Variants in WBP2NL observed in about 807,000 individuals in gnomAD.
WBP2NL encodes the protein postacrosomal sheath WW domain-binding protein.
A neutral mutation model predicts 23.3 loss-of-function variants in WBP2NL; 27 were observed. The ratio of observed to expected loss-of-function variants is 1.16; its 90% CI spans 0.85 to 1.60. WBP2NL has a LOEUF of 1.60. WBP2NL is among the 40% of genes most tolerant of loss of function. The pLI is 0.00. For synonymous variants in WBP2NL, 151 were observed against 145.9 expected (o/e 1.03, Z -0.25); for missense variants, 370 against 389.5 (o/e 0.95, Z 0.42).
intron 1 of WBP2NL, chr22:42,003,178 C>A (rs1436982684): frequency 6.9e-6 from 1 of 144,006 alleles, no homozygotes; most frequent in East Asian, 2.1e-4. Context: ...AAAAAAGTGC[C>A]AGCTTATGAG....
intron 1 of WBP2NL, among the ~76,000 whole-genome samples, chr22:42,000,449 AT>A (rs1211826994): frequency 1.3e-5 from 2 of 152,000 alleles, no homozygotes; most frequent in Non-Finnish European, 2.9e-5. Flanking sequence ...TTCTTAAGAT[AT>A]TTTTATTTCT....
At chr22:42,004,037 C>A (rs947405732) in intron 1 of WBP2NL, among the ~76,000 whole-genome samples, 1 of 152,040 alleles carries the variant, frequency 6.6e-6, no homozygotes, top group Non-Finnish European at 1.5e-5. Context: ...TTTGGGAGGC[C>A]GAGGCAGGTG....
At chr22:42,033,392 T>G (rs755008572), downstream of WBP2NL, among the ~76,000 whole-genome samples, 1 of 152,168 alleles carries the variant, frequency 6.6e-6, no homozygotes, top group Non-Finnish European at 1.5e-5. Flanking sequence ...CTGCAGCTCT[T>G]CTTTTCTTCT....
At chr22:42,057,722 C>T (rs1031104708) in intron 8 of WBP2NL, among the ~76,000 whole-genome samples, 2 of 149,994 alleles carry the variant, frequency 1.3e-5, no homozygotes, top group Non-Finnish European at 3.0e-5. Flanking sequence ...TTGATTTAGA[C>T]AAACTATAGA....
intron 5 of WBP2NL, among the ~76,000 whole-genome samples, chr22:42,026,279 TAATA>T (rs1470729245): frequency 3.1e-5 from 1 of 32,114 alleles, no homozygotes; most frequent in African/African-American, 1.6e-4. Context: ...CTCAAAATAA[TAATA>T]ATAATAATAA....
chr22:42,007,948 C>G (rs1922406901), intron 1 of WBP2NL, among the ~76,000 whole-genome samples: 1 of 152,074 alleles, frequency 6.6e-6, no homozygotes, highest in African/African-American at 2.4e-5. Flanking sequence ...TACGGTAGTT[C>G]TATTTTTAAT....
At chr22:42,004,111 GAA>G (rs1381582912) in intron 1 of WBP2NL, among the ~76,000 whole-genome samples, 1 of 151,844 alleles carries the variant, frequency 6.6e-6, no homozygotes, top group African/African-American at 2.4e-5. Flanking sequence ...TCTCTACTAA[GAA>G]TATGTAAAAT....
chr22:42,048,257 T>TAA (rs1453801422), intron 8 of WBP2NL, among the ~76,000 whole-genome samples: 1 of 143,054 alleles, frequency 7.0e-6, no homozygotes, highest in East Asian at 2.0e-4. Context: ...CTGTGTCTAT[T>TAA]AAAAGTACAA....
Position 42,019,747 on chromosome 22 carries a change from A to T in WBP2NL, c.257A>T (p.Glu86Val). The change falls in exon 3 of 6, where the codon GAA (glutamate) becomes GTA (valine). Residue 86 changes from glutamate (E) to valine (V), a missense_variant. Transcript: ENST00000328823. ...PFDLMTNLTVEQPVFAANFIK... is the reference protein window; with the variant it reads ...PFDLMTNLTVVQPVFAANFIK... ...GATCTGATGACGAACCTCACTGTTG[A>T]ACAACCAGTATTTGCTGCAAACTTC... The T allele has an allele frequency of 1.2e-6, 2 of 1,614,222 alleles. No homozygotes were observed. The highest frequency in any genetic ancestry group is 1.7e-6 in the Non-Finnish European group (2 of 1,180,040).
At chr22:42,019,616 T>C (rs1923694240) in intron 2 of WBP2NL, 46 bp from the exon 3 acceptor site, 1 of 1,610,696 alleles carries the variant, frequency 6.2e-7, no homozygotes, top group Non-Finnish European at 8.5e-7. Flanking sequence ...TCTCAATCCA[T>C]GGACAAATTC....
rs200812301 is a variant in WBP2NL at position 42,022,200 on chromosome 22, A to G, written c.407-49A>G. On this transcript the variant is annotated intron_variant, in intron 4 of 5. Transcript: ENST00000328823. ...ATTGTTTAGTTGATATCTGCTATAT[A>G]TCTGACTTAATTAAAAGAGTTCCTA... The G allele has an allele frequency of 3.5e-6, 5 of 1,439,392 alleles. No homozygotes were observed. In the East Asian group the frequency reaches 1.1e-4, roughly 33 times the overall value. The allele number at this position is 1,439,392 out of a possible 1,614,324, so 89.2% of individuals were successfully genotyped here.
chr22:42,027,147 T>G lies in WBP2NL; in HGVS notation c.896T>G (p.Leu299Arg). The G allele has an allele frequency of 1.9e-6, 3 of 1,613,870 alleles. No homozygotes were observed. The highest frequency in any genetic ancestry group is 2.5e-6 in the Non-Finnish European group (3 of 1,179,898). Residue 299 changes from leucine to arginine, a missense_variant, in exon 6 of 6, where the codon CTT (leucine) becomes CGT (arginine). Transcript: ENST00000328823. ...AAQAPENEAS[L>R]PSASSSQVHS ...CAGGCTCCTGAAAACGAGGCTTCTC[T>G]TCCCTCTGCCTCCTCTTCTCAGGTC...
At chr22:42,048,765 A>AG (rs1368794522) in intron 8 of WBP2NL, among the ~76,000 whole-genome samples, 3 of 124,096 alleles carry the variant, frequency 2.4e-5, no homozygotes, top group Admixed American at 1.8e-4. Context: ...CAAAAAAAAA[A>AG]AAAAGAAAAG....
intron 1 of WBP2NL, chr22:42,003,356 C>G (rs1172261585): frequency 6.6e-6 from 1 of 152,604 alleles, no homozygotes; most frequent in Non-Finnish European, 1.5e-5. Flanking sequence ...TATATCCTAG[C>G]TCTGTCTTAC....
chr22:42,015,455 T>G (rs1602451955), intron 1 of WBP2NL, among the ~76,000 whole-genome samples: 1 of 151,982 alleles, frequency 6.6e-6, no homozygotes, highest in African/African-American at 2.4e-5. Flanking sequence ...CAGGCTGGAG[T>G]GCAATGGCAT....
chr22:42,010,397 G>GA (rs1348726560), intron 1 of WBP2NL, among the ~76,000 whole-genome samples: 1 of 152,192 alleles, frequency 6.6e-6, no homozygotes, highest in Non-Finnish European at 1.5e-5. Context: ...TCTTAGAGGG[G>GA]AAGCTTTCAG....
chr22:42,018,306 C>T (rs1923515541), intron 1 of WBP2NL, among the ~76,000 whole-genome samples: 1 of 120,184 alleles, frequency 8.3e-6, no homozygotes, highest in African/African-American at 3.8e-5. Flanking sequence ...GAGTGAGACC[C>T]TGTCTCAAAA....
intron 8 of WBP2NL, among the ~76,000 whole-genome samples, chr22:42,051,768 A>C (rs1925845765): frequency 6.6e-6 from 1 of 152,122 alleles, no homozygotes; most frequent in Non-Finnish European, 1.5e-5. Context: ...AGGTGGCAAA[A>C]ACCACCATGT....
downstream of WBP2NL, among the ~76,000 whole-genome samples, chr22:42,030,200 A>G (rs958826060): frequency 6.6e-6 from 1 of 152,268 alleles, no homozygotes; most frequent in Non-Finnish European, 1.5e-5. Context: ...ATTTGATTTT[A>G]GAATATTCAG....
Sources: gnomAD v4.1 joint callset for allele counts (sites outside exome capture counted in the v4.1 genomes callset) on GRCh38, gnomAD v4.1.1 for gene constraint, MANE v1.5 for transcripts, NCBI Gene and HGNC (gene_info 2026-07-23, HGNC 2026-07-21) for gene names.